ARHGEF9: variants seen among roughly 807,000 people sequenced by gnomAD.
ARHGEF9 encodes the protein rho guanine nucleotide exchange factor 9.
A neutral mutation model predicts 41.3 loss-of-function variants in ARHGEF9; 2 were observed. That is an observed-to-expected ratio of 0.05 (90% CI 0.02 to 0.15). ARHGEF9 has a LOEUF of 0.15. Ranked by LOEUF, ARHGEF9 falls within the 10% of genes least tolerant of loss-of-function variation. ARHGEF9 has a pLI of 1.00. For synonymous variants in ARHGEF9, 160 were observed against 154.4 expected (o/e 1.04, Z -0.27); for missense variants, 225 against 424.7 (o/e 0.53, Z 4.13).
intron 7 of ARHGEF9, 51 bp from the exon 8 acceptor site, chrX:63,655,788 G>T (rs782562608): frequency 8.4e-7 from 1 of 1,190,108 alleles, no homozygotes; most frequent in Non-Finnish European, 1.1e-6. Context: ...GCGAGTACTA[G>T]AAGAGTTGGC....
intron 1 of ARHGEF9, chrX:63,754,197 A>G: frequency 1.1e-6 from 1 of 932,364 alleles, no homozygotes; most frequent in Non-Finnish European, 1.6e-6. Flanking sequence ...ACACTTAAAT[A>G]GAAAGCATTT....
chrX:63,762,229 G>T (rs2056046600), intron 1 of ARHGEF9, among the ~76,000 whole-genome samples: 1 of 111,905 alleles, frequency 8.9e-6, no homozygotes, highest in Non-Finnish European at 1.9e-5. Context: ...GGACATTCGG[G>T]ACACAATCAC....
At chrX:63,660,350 A>G in intron 7 of ARHGEF9, among the ~76,000 whole-genome samples, 1 of 111,353 alleles carries the variant, frequency 9.0e-6, no homozygotes, top group Non-Finnish European at 1.9e-5. Context: ...TTGAGTACAC[A>G]GGGACACAAA....
chrX:63,767,831 T>G (rs1175578865), intron 1 of ARHGEF9, among the ~76,000 whole-genome samples: 1 of 112,090 alleles, frequency 8.9e-6, no homozygotes, highest in Non-Finnish European at 1.9e-5. Flanking sequence ...ACCAAATAAC[T>G]ACTATGGTGT....
At chrX:63,769,577 C>T (rs782531466) in intron 1 of ARHGEF9, among the ~76,000 whole-genome samples, 89 of 111,943 alleles carry the variant, frequency 8.0e-4, no homozygotes, top group African/African-American at 2.8e-3. Flanking sequence ...CATGGCAAGC[C>T]CTCCCATCAT....
intron 1 of ARHGEF9, among the ~76,000 whole-genome samples, chrX:63,728,178 T>C (rs1293778103): frequency 3.6e-5 from 4 of 112,598 alleles, no homozygotes; most frequent in Non-Finnish European, 7.5e-5. Context: ...TCTTCTGAGT[T>C]GTTTTGAAAA....
At chrX:63,776,402 G>C (rs139541675) in intron 1 of ARHGEF9, among the ~76,000 whole-genome samples, 1,138 of 112,105 alleles carry the variant, frequency 0.01, 9 homozygotes, top group African/African-American at 0.035. Flanking sequence ...AAATGAGTGG[G>C]CATGGCTGTG....
chrX:63,742,305 G>A (rs191456892), intron 1 of ARHGEF9, among the ~76,000 whole-genome samples: 1 of 111,632 alleles, frequency 9.0e-6, no homozygotes, highest in East Asian at 2.8e-4. Context: ...CTGAAGGAAC[G>A]AGCTCAATGC....
At chrX:63,678,242 A>G (rs1455534963) in intron 5 of ARHGEF9, 98 bp downstream of exon 5, 1 of 740,167 alleles carries the variant, frequency 1.4e-6, no homozygotes. Context: ...AGATAAGTTA[A>G]CAGAAGCTCA....
chrX:63,676,979 C>T (rs1332280466), intron 5 of ARHGEF9, among the ~76,000 whole-genome samples: 1 of 112,056 alleles, frequency 8.9e-6, no homozygotes, highest in Non-Finnish European at 1.9e-5. Context: ...ATTTCCTCTA[C>T]ACCAAGACTA....
In ARHGEF9 at chrX:63,755,887, T is replaced by C. The variant is rs371210140; in HGVS notation, c.30+29229A>G. 4.0e-6 allele frequency: 3 copies of C among 751,856 alleles called. No homozygotes were observed. In the East Asian group the frequency reaches 4.5e-4, roughly 113 times the overall value. The allele number at this position is 751,856 out of a possible 1,213,427, so 62.0% of individuals were successfully genotyped here. A position where few individuals can be genotyped will look rare whatever the true frequency, so the allele number is the denominator to read the frequency against. Reference sequence around the variant, plus strand: ...ATTCTTCAGACTAGGACAGTTAGCTTGCAATTTTCCAGCATTCTGGGTACT... The same window carrying C: ...ATTCTTCAGACTAGGACAGTTAGCTCGCAATTTTCCAGCATTCTGGGTACT... On this transcript the variant is annotated intron_variant, in intron 1 of 9. Transcript: ENST00000671741.
chrX:63,784,934 A>G (rs2056437983), intron 1 of ARHGEF9, among the ~76,000 whole-genome samples, 182 bp downstream of exon 1: 1 of 111,308 alleles, frequency 9.0e-6, no homozygotes, highest in Admixed American at 9.5e-5. Context: ...TTTCCTGGGC[A>G]GGCAGGCTAG....
At chrX:63,718,591 TCAA>T (rs1465097001) in intron 2 of ARHGEF9, among the ~76,000 whole-genome samples, 1 of 111,338 alleles carries the variant, frequency 9.0e-6, no homozygotes, top group African/African-American at 3.3e-5. Flanking sequence ...ATGCTATGGG[TCAA>T]CAATAGGGCC....
At chrX:63,755,778 G>T (rs2055910681) in intron 1 of ARHGEF9, 2 of 652,603 alleles carry the variant, frequency 3.1e-6, no homozygotes, top group South Asian at 1.6e-4. Flanking sequence ...AGGGACACAC[G>T]ACAGAATTTC....
intron 1 of ARHGEF9, among the ~76,000 whole-genome samples, chrX:63,734,483 A>T (rs1210401090): frequency 8.9e-6 from 1 of 112,123 alleles, no homozygotes; most frequent in Non-Finnish European, 1.9e-5. Context: ...TATTAATAAC[A>T]AGCAACCAGA....
At chrX:63,757,931 G>A (rs782694111) in intron 1 of ARHGEF9, among the ~76,000 whole-genome samples, 2 of 112,148 alleles carry the variant, frequency 1.8e-5, no homozygotes, top group Non-Finnish European at 3.8e-5. Context: ...CAGCGTTCTG[G>A]ATATGACATA....
At chrX:63,723,868 G>T (rs1324255377) in intron 2 of ARHGEF9, among the ~76,000 whole-genome samples, 1 of 112,358 alleles carries the variant, frequency 8.9e-6, no homozygotes. Context: ...ATGGTACAAT[G>T]TCAAAGAGGC....
intron 1 of ARHGEF9, among the ~76,000 whole-genome samples, chrX:63,751,080 A>G (rs1556440447): frequency 2.7e-5 from 3 of 111,261 alleles, no homozygotes; most frequent in African/African-American, 9.8e-5. Flanking sequence ...ATGGGGATCC[A>G]GGAGCGAAAA....
chrX:63,655,776 C>T (rs377381912), intron 7 of ARHGEF9, 39 bp from the exon 8 acceptor site: 49 of 1,196,467 alleles, frequency 4.1e-5, no homozygotes, highest in South Asian at 8.8e-5. Flanking sequence ...GGTATGTGCA[C>T]GGCGAGTACT....
Sources: gnomAD v4.1 joint callset for allele counts (sites outside exome capture counted in the v4.1 genomes callset) on GRCh38, gnomAD v4.1.1 for gene constraint, MANE v1.5 for transcripts, NCBI Gene and HGNC (gene_info 2026-07-23, HGNC 2026-07-21) for gene names.